Variants in BLTP3B observed in about 807,000 individuals in gnomAD.
BLTP3B encodes the protein bridge-like lipid transfer protein family member 3B.
At chr12:100,039,655 G>A in the BLTP3B span, 1 of 1,613,968 alleles carries the variant, frequency 6.2e-7, no homozygotes, top group South Asian at 1.1e-5. Context: ...GAAGGCCAAG[G>A]AACCCCTGGG....
the BLTP3B span, among the ~76,000 whole-genome samples, chr12:100,117,502 G>A: frequency 4.0e-5 from 6 of 151,822 alleles, 1 homozygote; most frequent in African/African-American, 1.2e-4. Context: ...TCGTTCTGTC[G>A]CCCAGGCTGG....
the BLTP3B span, among the ~76,000 whole-genome samples, chr12:100,102,393 T>C: frequency 6.6e-6 from 1 of 152,112 alleles, no homozygotes; most frequent in East Asian, 1.9e-4. Flanking sequence ...ATTACAGGCA[T>C]GAGCCACCGC....
At chr12:100,134,880 C>T in the BLTP3B span, among the ~76,000 whole-genome samples, 3 of 152,216 alleles carry the variant, frequency 2.0e-5, no homozygotes, top group Non-Finnish European at 4.4e-5. Context: ...TAGAACCTGA[C>T]TATCACTATC....
At chr12:100,039,737 A>T in the BLTP3B span, 2 of 1,613,236 alleles carry the variant, frequency 1.2e-6, no homozygotes, top group Non-Finnish European at 1.7e-6. Flanking sequence ...GCAGCACTGA[A>T]TCGCTTTTGA....
At chr12:100,089,477 T>C in the BLTP3B span, among the ~76,000 whole-genome samples, 3 of 152,080 alleles carry the variant, frequency 2.0e-5, no homozygotes, top group East Asian at 3.9e-4. Flanking sequence ...GGAGAATCAC[T>C]TGAACCCGGG....
chr12:100,072,796 T>C, the BLTP3B span: 30 of 1,598,288 alleles, frequency 1.9e-5, no homozygotes, highest in Admixed American at 2.0e-4. Flanking sequence ...AAGAACGACA[T>C]TGTTCCGCTG....
At chr12:100,065,987 G>T in the BLTP3B span, among the ~76,000 whole-genome samples, 1 of 152,118 alleles carries the variant, frequency 6.6e-6, no homozygotes, top group South Asian at 2.1e-4. Flanking sequence ...CCCCCTGGCG[G>T]CCCAGCTGTA....
chr12:100,110,993 C>T, the BLTP3B span, among the ~76,000 whole-genome samples: 2 of 152,088 alleles, frequency 1.3e-5, no homozygotes, highest in African/African-American at 4.8e-5. Context: ...AATCAGGCAA[C>T]ACCTTGATTG....
chr12:100,079,535 G>A, the BLTP3B span, among the ~76,000 whole-genome samples: 2 of 152,202 alleles, frequency 1.3e-5, no homozygotes, highest in East Asian at 1.9e-4. Context: ...ATTCAAGGGT[G>A]ACTTGGGTGT....
chr12:100,058,730 A>C, the BLTP3B span: 1 of 1,613,988 alleles, frequency 6.2e-7, no homozygotes, highest in Non-Finnish European at 8.5e-7. Context: ...CAGGACTGCC[A>C]GTTACAGCTT....
the BLTP3B span, among the ~76,000 whole-genome samples, chr12:100,070,959 T>A: frequency 6.6e-6 from 1 of 151,974 alleles, no homozygotes; most frequent in East Asian, 1.9e-4. Flanking sequence ...CACCACTGCA[T>A]GCCAGTCTGG....
At chr12:100,070,069 C>T in the BLTP3B span, 2 of 1,428,576 alleles carry the variant, frequency 1.4e-6, no homozygotes, top group Non-Finnish European at 1.8e-6. Flanking sequence ...ATTTACAAGA[C>T]AATGCTTGAG....
the BLTP3B span, among the ~76,000 whole-genome samples, chr12:100,096,372 T>C: frequency 3.3e-5 from 5 of 152,322 alleles, no homozygotes; most frequent in Non-Finnish European, 5.9e-5. Flanking sequence ...ACAAGTTATA[T>C]AGCACTTATA....
chr12:100,105,750 C>G, the BLTP3B span, among the ~76,000 whole-genome samples: 1 of 151,990 alleles, frequency 6.6e-6, no homozygotes, highest in African/African-American at 2.4e-5. Context: ...TGACAACCTA[C>G]GGATTGTCAA....
At chr12:100,064,490 G>T in the BLTP3B span, among the ~76,000 whole-genome samples, 2 of 152,174 alleles carry the variant, frequency 1.3e-5, no homozygotes, top group Admixed American at 1.3e-4. Flanking sequence ...TTGTCATCAG[G>T]TTATCTAAAG....
At chr12:100,037,535 T>C in the BLTP3B span, 1 of 1,546,890 alleles carries the variant, frequency 6.5e-7, no homozygotes, top group Non-Finnish European at 8.6e-7. Context: ...TTTATTGTCT[T>C]TTCATGAAAA....
the BLTP3B span, among the ~76,000 whole-genome samples, chr12:100,105,044 G>A: frequency 6.6e-6 from 1 of 152,116 alleles, no homozygotes; most frequent in Admixed American, 6.6e-5. Flanking sequence ...AATCTATACT[G>A]TGAAAATGAC....
the BLTP3B span, among the ~76,000 whole-genome samples, chr12:100,110,842 T>C: frequency 1.3e-5 from 2 of 152,118 alleles, no homozygotes; most frequent in African/African-American, 4.8e-5. Context: ...GTAATATTTA[T>C]AGGGAAGGAA....
chr12:100,115,174 G>A, the BLTP3B span, among the ~76,000 whole-genome samples: 4 of 152,166 alleles, frequency 2.6e-5, no homozygotes, highest in African/African-American at 9.7e-5. Flanking sequence ...GGAAGGCCAA[G>A]GTGGGTGGAT....
Sources: allele counts gnomAD v4.1 joint callset (sites outside exome capture counted in the v4.1 genomes callset), GRCh38; gene constraint gnomAD v4.1.1; transcripts MANE v1.5; gene names NCBI Gene and HGNC (gene_info 2026-07-23, HGNC 2026-07-21).